PDE4D: variants seen among roughly 807,000 people sequenced by gnomAD.
PDE4D encodes 3',5'-cyclic-AMP phosphodiesterase 4D.
PDE4D carries 24 observed loss-of-function variants against 87.4 expected under a neutral mutation model. That is an observed-to-expected ratio of 0.27 (90% confidence interval 0.20 to 0.39). PDE4D has a LOEUF of 0.39. Among genes scored for constraint, PDE4D ranks in the 10% least tolerant of loss-of-function variants. PDE4D has a pLI of 1.00. For synonymous variants in PDE4D, 384 were observed against 383.2 expected, an observed-to-expected ratio of 1.00 and a Z score of -0.02; for missense variants, 714 against 1,041.0, an observed-to-expected ratio of 0.69 and a Z score of 4.32.
chr5:59,188,939 A>C (rs561896555), intron 3 of PDE4D, among the ~76,000 whole-genome samples: 1 of 152,296 alleles, frequency 6.6e-6, no homozygotes, highest in African/African-American at 2.4e-5. Flanking sequence ...GCTAAAGAAA[A>C]GCTAAAAATT....
chr5:59,269,038 C>A (rs920533546), intron 1 of PDE4D, among the ~76,000 whole-genome samples: 2 of 151,884 alleles, frequency 1.3e-5, no homozygotes, highest in African/African-American at 4.8e-5. Context: ...ATTCCTTTAC[C>A]TCTCCTAAAA....
chr5:59,229,966 T>C (rs1021359011), intron 1 of PDE4D, among the ~76,000 whole-genome samples: 2 of 152,040 alleles, frequency 1.3e-5, no homozygotes, highest in African/African-American at 2.4e-5. Flanking sequence ...GCCTGGCTAA[T>C]TTTGTATTTG....
chr5:59,918,048 CA>C (rs1486022156), intron 3 of PDE4D, among the ~76,000 whole-genome samples: 2 of 150,964 alleles, frequency 1.3e-5, no homozygotes, highest in African/African-American at 4.9e-5. Context: ...ATCAATTACA[CA>C]AAAAAGAGAA....
intron 1 of PDE4D, among the ~76,000 whole-genome samples, chr5:60,486,873 C>T (rs1685476247): frequency 6.6e-6 from 1 of 152,006 alleles, no homozygotes; most frequent in African/African-American, 2.4e-5. Context: ...AAAAGGAACC[C>T]CTTTATTTTT....
intron 1 of PDE4D, among the ~76,000 whole-genome samples, chr5:60,191,317 C>T (rs1785179314): frequency 6.6e-6 from 1 of 151,904 alleles, no homozygotes; most frequent in Non-Finnish European, 1.5e-5. Context: ...AATTATAATC[C>T]CCATAATCCC....
intron 1 of PDE4D, among the ~76,000 whole-genome samples, chr5:60,452,360 G>GT (rs1469089185): frequency 1.3e-5 from 2 of 152,104 alleles, no homozygotes; most frequent in Non-Finnish European, 2.9e-5. Context: ...GCAGATGCAT[G>GT]TTTTCACTTC....
At chr5:60,068,502 AC>A (rs1772353033) in intron 2 of PDE4D, among the ~76,000 whole-genome samples, 1 of 151,948 alleles carries the variant, frequency 6.6e-6, no homozygotes, top group Non-Finnish European at 1.5e-5. Context: ...TTGGATACTA[AC>A]CCTTTATCAG....
intron 1 of PDE4D, among the ~76,000 whole-genome samples, chr5:59,756,445 T>A (rs1043359386): frequency 2.6e-5 from 4 of 151,590 alleles, no homozygotes; most frequent in Non-Finnish European, 4.4e-5. Context: ...AATAATAAGA[T>A]ACAGAATCAT....
At chr5:59,669,390 GCAT>G (rs1268837318) in intron 1 of PDE4D, among the ~76,000 whole-genome samples, 12 of 152,174 alleles carry the variant, frequency 7.9e-5, no homozygotes, top group African/African-American at 2.7e-4. Flanking sequence ...GGGATTACAG[GCAT>G]GAGTCACCGT....
chr5:60,223,991 T>A (rs968575389), intron 1 of PDE4D, among the ~76,000 whole-genome samples: 1 of 152,046 alleles, frequency 6.6e-6, no homozygotes, highest in African/African-American at 2.4e-5. Flanking sequence ...AGAGAGTAAG[T>A]GGGTGGCTAG....
chr5:59,272,296 T>C (rs2153541877), intron 1 of PDE4D, among the ~76,000 whole-genome samples: 1 of 152,188 alleles, frequency 6.6e-6, no homozygotes, highest in Non-Finnish European at 1.5e-5. Flanking sequence ...TCACAAGTCT[T>C]AATTACATTA....
chr5:60,033,782 A>G (rs1485965379), intron 2 of PDE4D, among the ~76,000 whole-genome samples: 1 of 152,200 alleles, frequency 6.6e-6, no homozygotes, highest in Non-Finnish European at 1.5e-5. Flanking sequence ...ACAGTTGTCA[A>G]TACAATTTCT....
intron 1 of PDE4D, chr5:59,586,196 C>T (rs969593869): frequency 2.0e-5 from 12 of 601,470 alleles, no homozygotes; most frequent in East Asian, 1.4e-4. Context: ...AGACAATATT[C>T]GGTTTTGCAC....
intron 5 of PDE4D, among the ~76,000 whole-genome samples, chr5:59,098,832 G>A (rs1469702128): frequency 2.0e-5 from 3 of 151,780 alleles, no homozygotes; most frequent in African/African-American, 7.3e-5. Flanking sequence ...TCCACCATCC[G>A]TAACACATGG....
In PDE4D at chr5:59,072,169, C is replaced by T. The variant is rs549799785; in HGVS notation, c.809-33198G>A. 2.6e-5 allele frequency among the ~76,000 whole-genome samples: 4 copies of T among 152,116 alleles called. No homozygotes were observed. In the South Asian group the frequency reaches 8.3e-4, roughly 32 times the overall value. On this transcript the variant is annotated intron_variant, in intron 5 of 14. Transcript: ENST00000340635. Reference sequence around the variant, plus strand: ...CAACTACATCCACTTTTTGATGATCCAACTGAACAGTTTCATTCAGAAATA... The same window carrying T: ...CAACTACATCCACTTTTTGATGATCTAACTGAACAGTTTCATTCAGAAATA...
chr5:60,304,651 C>CAAAAAAAAAAAA lies in PDE4D; in HGVS notation c.-89-118976_-89-118965dup, dbSNP rs70975379. On this transcript the variant is annotated intron_variant, in intron 1 of 16. Transcript: ENST00000502484. ...TGGGCGACAGAGCGAGACTCCGTCT[C>CAAAAAAAAAAAA]AAAAAAAAAAAAAAAAAAAAAAAGA... Among the ~76,000 whole-genome samples the CAAAAAAAAAAAA allele has an allele frequency of 1.4e-3, 85 of 60,056 alleles. 1 individual carries two copies. Among genetic ancestry groups the CAAAAAAAAAAAA allele is most frequent in the African/African-American group, 6.4e-3 (82 of 12,778 alleles). The allele number at this position is 60,056 out of a possible 152,430, so 39.4% of individuals were successfully genotyped here.
At chr5:59,348,463 T>C (rs1779962295) in intron 1 of PDE4D, among the ~76,000 whole-genome samples, 1 of 152,128 alleles carries the variant, frequency 6.6e-6, no homozygotes, top group Non-Finnish European at 1.5e-5. Flanking sequence ...AGAGAGCTGG[T>C]TGTGAACATT....
intron 2 of PDE4D, among the ~76,000 whole-genome samples, chr5:60,160,081 G>A (rs1044709436): frequency 1.3e-5 from 2 of 152,110 alleles, no homozygotes; most frequent in Non-Finnish European, 2.9e-5. Context: ...AGATGAAGAG[G>A]ATGAAGGCCT....
chr5:59,110,596 G>C (rs1422434754), intron 5 of PDE4D, among the ~76,000 whole-genome samples: 20 of 152,176 alleles, frequency 1.3e-4, no homozygotes, highest in Non-Finnish European at 1.5e-5. Flanking sequence ...GGTTAGTTGA[G>C]CACCGTGGCT....
Sources: allele counts gnomAD v4.1 joint callset (sites outside exome capture counted in the v4.1 genomes callset), GRCh38; gene constraint gnomAD v4.1.1; transcripts MANE v1.5; gene names NCBI Gene and HGNC (gene_info 2026-07-23, HGNC 2026-07-21).